Variants in ATP2B2 observed in about 807,000 individuals in gnomAD.
ATP2B2 encodes the protein ATPase plasma membrane Ca2+ transporting 2, also known as plasma membrane calcium-transporting ATPase 2.
In ATP2B2, 15 loss-of-function variants were observed where a neutral mutation model predicts 120.0. The ratio of observed to expected loss-of-function variants is 0.12; its 90% CI spans 0.08 to 0.19. The LOEUF (loss-of-function observed/expected upper bound fraction) is 0.19, where lower values mean the gene tolerates loss of function less well. Among genes scored for constraint, ATP2B2 ranks in the 10% least tolerant of loss-of-function variants. The pLI, the probability that ATP2B2 is intolerant of heterozygous loss-of-function variation, is 1.00. For synonymous variants in ATP2B2, 694 were observed against 700.3 expected, an observed-to-expected ratio of 0.99 and a Z score of 0.14; for missense variants, 1,045 against 1,719.8, an observed-to-expected ratio of 0.61 and a Z score of 6.94.
intron 1 of ATP2B2, among the ~76,000 whole-genome samples, chr3:10,673,727 A>C (rs2071172909): frequency 7.1e-6 from 1 of 140,434 alleles, no homozygotes; most frequent in Admixed American, 7.5e-5. Context: ...GTATCGCTTG[A>C]GCCTGGGAGG....
chr3:10,688,221 A>C (rs2071571039), intron 1 of ATP2B2, among the ~76,000 whole-genome samples: 1 of 152,166 alleles, frequency 6.6e-6, no homozygotes, highest in South Asian at 2.1e-4. Flanking sequence ...CCCAGAAGAC[A>C]AAACATACCA....
intron 22 of ATP2B2, among the ~76,000 whole-genome samples, chr3:10,332,617 G>A (rs1001630475): frequency 6.6e-6 from 1 of 152,124 alleles, no homozygotes; most frequent in East Asian, 1.9e-4. Flanking sequence ...TCCTTTTCAC[G>A]ATATGAGGCT....
chr3:10,446,815 A>G (rs1417816205), intron 2 of ATP2B2, among the ~76,000 whole-genome samples: 1 of 152,248 alleles, frequency 6.6e-6, no homozygotes, highest in Non-Finnish European at 1.5e-5. Context: ...GGTCAGACGA[A>G]AAGGCCCAAA....
upstream of ATP2B2, chr3:10,505,761 G>A (rs1575433846): frequency 7.5e-6 from 1 of 133,758 alleles, no homozygotes; most frequent in Admixed American, 7.6e-5. Flanking sequence ...AGGGAGGGCC[G>A]GTTCTGGAGG....
In ATP2B2 at chr3:10,329,828, C is replaced by T. The variant is rs902107557; in HGVS notation, c.3421-703G>A. Among the ~76,000 whole-genome samples the T allele has an allele frequency of 7.2e-5, 11 of 152,106 alleles. No homozygotes were observed. Among genetic ancestry groups the T allele is most frequent in the South Asian group, 2.1e-4 (1 of 4,814 alleles). On this transcript the variant is annotated intron_variant, in intron 22 of 22. Transcript: ENST00000360273. This position sits in a 1 kb window ranked among gnomAD's most constrained non-coding sequence, Gnocchi z 5.9. ...ACATTCGGGGGCGGGCTGCATGCCA[C>T]GGGGAGGCCGGGAGCCACATGGCAC... is the stretch of plus-strand genomic sequence containing the variant.
At chr3:10,416,764 CTT>C (rs112522558) in intron 2 of ATP2B2, among the ~76,000 whole-genome samples, 6 of 141,788 alleles carry the variant, frequency 4.2e-5, no homozygotes, top group Admixed American at 7.1e-5. Flanking sequence ...TTTTCTTTTT[CTT>C]TTTTTTTTTT....
upstream of ATP2B2, among the ~76,000 whole-genome samples, chr3:10,508,120 C>T (rs188724685): frequency 1.7e-4 from 26 of 152,298 alleles, no homozygotes; most frequent in East Asian, 1.9e-4. Context: ...GCCACCTGGC[C>T]GAGTTCCCAT....
At chr3:10,604,131 G>C (rs2068998098) in intron 2 of ATP2B2, among the ~76,000 whole-genome samples, 1 of 152,090 alleles carries the variant, frequency 6.6e-6, no homozygotes, top group Non-Finnish European at 1.5e-5. Flanking sequence ...TCAGGGAGCT[G>C]GCAGGCACCT....
At chr3:10,400,866 T>C (rs537794930) in intron 5 of ATP2B2, 87 bp downstream of exon 5, 2 of 1,593,704 alleles carry the variant, frequency 1.3e-6, no homozygotes, top group South Asian at 2.2e-5. Flanking sequence ...TCAAAGTCTC[T>C]GAGTCCCTTC....
At chr3:10,461,133 GGAAAT>G (rs2064471509) in intron 1 of ATP2B2, among the ~76,000 whole-genome samples, 1 of 152,246 alleles carries the variant, frequency 6.6e-6, no homozygotes, top group Non-Finnish European at 1.5e-5. Context: ...AAAGGAGTGA[GGAAAT>G]GAGAATGATG....
At chr3:10,471,944 G>A (rs967778008) in intron 1 of ATP2B2, among the ~76,000 whole-genome samples, 16 of 151,900 alleles carry the variant, frequency 1.1e-4, no homozygotes, top group South Asian at 6.3e-4. Flanking sequence ...AGCCGGGTGT[G>A]GTGGCGGGCG....
At chr3:10,475,491 T>C (rs1176519371) in intron 1 of ATP2B2, among the ~76,000 whole-genome samples, 2 of 152,234 alleles carry the variant, frequency 1.3e-5, no homozygotes, top group Admixed American at 6.5e-5. Flanking sequence ...CATTTGGTCA[T>C]GGGCACGGAT....
At chr3:10,502,830 T>C (rs1281458664) in intron 1 of ATP2B2, among the ~76,000 whole-genome samples, 2 of 152,184 alleles carry the variant, frequency 1.3e-5, no homozygotes, top group Non-Finnish European at 2.9e-5. Flanking sequence ...GTACCCCAAT[T>C]TGAACTGGCC....
At chr3:10,678,365 G>A (rs1386464957) in intron 1 of ATP2B2, among the ~76,000 whole-genome samples, 1 of 152,234 alleles carries the variant, frequency 6.6e-6, no homozygotes, top group Non-Finnish European at 1.5e-5. Context: ...TTCTTGGCGT[G>A]AGAGATGTGC....
At chr3:10,489,502 T>A (rs769171003) in intron 1 of ATP2B2, among the ~76,000 whole-genome samples, 1 of 152,232 alleles carries the variant, frequency 6.6e-6, no homozygotes, top group Non-Finnish European at 1.5e-5. Context: ...ATAACCCTCC[T>A]GGCCTCTCAT....
chr3:10,351,031 TGGG>T (rs1300941086), intron 14 of ATP2B2, among the ~76,000 whole-genome samples: 2 of 152,196 alleles, frequency 1.3e-5, no homozygotes, highest in East Asian at 3.8e-4. Flanking sequence ...TTCAGTTTCT[TGGG>T]GGGACATTTG....
chr3:10,547,814 G>A (rs2078640791), intron 2 of ATP2B2, among the ~76,000 whole-genome samples: 1 of 152,228 alleles, frequency 6.6e-6, no homozygotes, highest in African/African-American at 2.4e-5. Flanking sequence ...CAAAGTGGAA[G>A]GGAATCTCCC....
chr3:10,637,896 G>C (rs895754405), intron 1 of ATP2B2, among the ~76,000 whole-genome samples: 5 of 151,058 alleles, frequency 3.3e-5, no homozygotes, highest in African/African-American at 1.2e-4. Flanking sequence ...CTTAGAAGCA[G>C]CCAGAAAAAA....
intron 2 of ATP2B2, among the ~76,000 whole-genome samples, chr3:10,583,289 T>C (rs1270473516): frequency 6.6e-6 from 1 of 152,164 alleles, no homozygotes; most frequent in African/African-American, 2.4e-5. Flanking sequence ...TGTCCAAGTG[T>C]TTAGGGAACA....
Sources: gnomAD v4.1 joint callset for allele counts (sites outside exome capture counted in the v4.1 genomes callset) on GRCh38, gnomAD v4.1.1 for gene constraint, Gnocchi (gnomAD v3.1) non-coding constraint, MANE v1.5 for transcripts, NCBI Gene and HGNC (gene_info 2026-07-23, HGNC 2026-07-21) for gene names.